Variants in RGS6 observed in about 807,000 individuals in gnomAD.
RGS6 encodes the protein regulator of G-protein signaling 6.
Under a neutral mutation model 78.5 loss-of-function variants are expected in RGS6, and 30 were observed. The ratio of observed to expected loss-of-function variants is 0.38; its 90% CI spans 0.29 to 0.52. RGS6 has a LOEUF of 0.52. Ranked by LOEUF, RGS6 falls within the 20% of genes least tolerant of loss-of-function variation. The probability of loss-of-function intolerance (pLI) is 0.85; values close to 1 mark genes in which losing one functional copy is unlikely to be tolerated. For synonymous variants in RGS6, 206 were observed against 206.0 expected (o/e 1.00, Z 0.00); for missense variants, 495 against 609.7 (o/e 0.81, Z 1.98).
intron 2 of RGS6, among the ~76,000 whole-genome samples, chr14:72,136,239 T>A (rs548837302): frequency 1.9e-4 from 29 of 152,140 alleles, no homozygotes; most frequent in Admixed American, 5.2e-4. Context: ...GAAGAGACAC[T>A]CTCTATATTG....
At chr14:72,143,059 G>T (rs1034541220) in intron 2 of RGS6, among the ~76,000 whole-genome samples, 16 of 152,192 alleles carry the variant, frequency 1.1e-4, no homozygotes, top group East Asian at 1.9e-4. Context: ...GGAAAAAGAT[G>T]GAGAATCCTG....
intron 2 of RGS6, among the ~76,000 whole-genome samples, chr14:72,009,513 T>G (rs1169744574): frequency 6.6e-6 from 1 of 152,254 alleles, no homozygotes; most frequent in African/African-American, 2.4e-5. Context: ...TTTGGTTCCT[T>G]GTCTGGCAAA....
At chr14:72,086,351 C>A (rs754722389) in intron 2 of RGS6, among the ~76,000 whole-genome samples, 6 of 152,088 alleles carry the variant, frequency 3.9e-5, no homozygotes, top group African/African-American at 4.8e-5. Flanking sequence ...TTTATGACAC[C>A]CTGGTTGTTG....
chr14:72,138,474 T>C (rs948932723), intron 2 of RGS6, among the ~76,000 whole-genome samples: 6 of 144,232 alleles, frequency 4.2e-5, no homozygotes, highest in Non-Finnish European at 7.5e-5. Flanking sequence ...TTTTTTTTTT[T>C]ACTTTCTTGG....
intron 2 of RGS6, among the ~76,000 whole-genome samples, chr14:72,167,860 C>T (rs1023107148): frequency 1.3e-5 from 2 of 152,028 alleles, no homozygotes; most frequent in African/African-American, 2.4e-5. Flanking sequence ...AATGAGCAGC[C>T]TCTGTACAGA....
rs72719849 is a variant in RGS6, at chr14:72,142,026, C to T, written c.84+177151C>T. On this transcript the variant is annotated intron_variant, in intron 2 of 17. Transcript: ENST00000553525. Reference sequence around the variant, plus strand: ...TCTTGAGGCTTACTGTTTACCTCCTCACTTTGGGGAGCTACCCAGCCAGGA... The same window carrying T: ...TCTTGAGGCTTACTGTTTACCTCCTTACTTTGGGGAGCTACCCAGCCAGGA... Among the ~76,000 whole-genome samples, 1,148 of 152,250 alleles carry T rather than the reference C, an allele frequency of 7.5e-3. 8 individuals are homozygous for T. The highest frequency in any genetic ancestry group is 0.012 in the Non-Finnish European group (848 of 68,022).
chr14:72,567,657 T>G (rs2097715151), downstream of RGS6, among the ~76,000 whole-genome samples: 2 of 152,176 alleles, frequency 1.3e-5, no homozygotes, highest in African/African-American at 4.8e-5. Context: ...AGCCTCCAAT[T>G]GTTCATTGAT....
In RGS6 at chr14:72,029,811, C is replaced by T. The variant is rs1044443913; in HGVS notation, c.84+64936C>T. Reference sequence around the variant, plus strand: ...AAGCTGGAGACAGGAAGGTCAAGTGCTTTATTTTTTCTGTGATGAGAACCA... The same window carrying T: ...AAGCTGGAGACAGGAAGGTCAAGTGTTTTATTTTTTCTGTGATGAGAACCA... On this transcript the variant is annotated intron_variant, in intron 2 of 17. Transcript: ENST00000553525. Among the ~76,000 whole-genome samples, 3 of 152,106 alleles carry T rather than the reference C, an allele frequency of 2.0e-5. No individual in the cohort carries two copies. In the East Asian group the frequency reaches 5.8e-4, roughly 29 times the overall value.
chr14:72,023,263 G>A (rs946649496), intron 2 of RGS6, among the ~76,000 whole-genome samples: 2 of 152,190 alleles, frequency 1.3e-5, no homozygotes, highest in African/African-American at 4.8e-5. Context: ...ATTTGGTGGA[G>A]CTCCTTTTTC....
At chr14:72,546,953 G>A (rs1169507810) in intron 17 of RGS6, among the ~76,000 whole-genome samples, 1 of 152,184 alleles carries the variant, frequency 6.6e-6, no homozygotes, top group South Asian at 2.1e-4. Flanking sequence ...CTTTACAAGC[G>A]GCTGATGGGG....
the RGS6 span, among the ~76,000 whole-genome samples, chr14:72,579,303 G>A: frequency 2.5e-4 from 38 of 152,142 alleles, no homozygotes; most frequent in Non-Finnish European, 4.7e-4. Flanking sequence ...ATTGTCCCTG[G>A]CCATCACTGT....
At chr14:72,170,835 T>G (rs996207845) in intron 2 of RGS6, among the ~76,000 whole-genome samples, 1 of 152,178 alleles carries the variant, frequency 6.6e-6, no homozygotes, top group African/African-American at 2.4e-5. Flanking sequence ...TTTACTGATT[T>G]ATATTTTTCC....
intron 2 of RGS6, among the ~76,000 whole-genome samples, chr14:72,147,193 T>G (rs1381178677): frequency 1.3e-5 from 2 of 152,344 alleles, no homozygotes; most frequent in African/African-American, 4.8e-5. Context: ...AATCTATGCT[T>G]CTTAAAATCT....
chr14:71,894,291 C>T, the RGS6 span, among the ~76,000 whole-genome samples: 264 of 152,272 alleles, frequency 1.7e-3, no homozygotes, highest in Non-Finnish European at 2.7e-3. Flanking sequence ...CTGACCCAGA[C>T]TTGGGAGCAT....
At chr14:72,092,590 C>T (rs562362153) in intron 2 of RGS6, among the ~76,000 whole-genome samples, 1 of 152,310 alleles carries the variant, frequency 6.6e-6, no homozygotes, top group South Asian at 2.1e-4. Flanking sequence ...CCAGGTTGGC[C>T]AGGCTGGTCT....
intron 1 of RGS6, among the ~76,000 whole-genome samples, chr14:71,946,878 C>T (rs187980206): frequency 1.4e-3 from 206 of 152,196 alleles, no homozygotes; most frequent in Middle Eastern, 6.8e-3. Context: ...TTAATGAAAA[C>T]AAGGATAGGG....
chr14:72,055,311 A>AT (rs1567112522), intron 2 of RGS6, among the ~76,000 whole-genome samples: 14 of 148,052 alleles, frequency 9.5e-5, no homozygotes, highest in Admixed American at 2.0e-4. Context: ...TTCAGACATC[A>AT]ATTTTTTTTT....
At position 72,562,875 on chromosome 14, in the gene RGS6, C is replaced by G. The variant is rs1296939020; in HGVS notation, c.*408C>G. ...CACACCTTCTGGCAAATTCAAGAGG[C>G]ATGAGTGGACCGAGAGCACATCCAG... On this transcript the variant is annotated 3_prime_UTR_variant, in exon 18 of 18. Transcript: ENST00000553525. The G allele has an allele frequency of 1.1e-6, 1 of 886,314 alleles. No homozygotes were observed. The highest frequency in any genetic ancestry group is 1.8e-6 in the Non-Finnish European group (1 of 557,186). 54.9% of individuals were successfully genotyped at this position (886,314 alleles called of 1,614,324 possible). A position where few individuals can be genotyped will look rare whatever the true frequency, so the allele number is the denominator to read the frequency against.
At chr14:72,356,032 A>G (rs2080201655) in intron 3 of RGS6, among the ~76,000 whole-genome samples, 1 of 152,170 alleles carries the variant, frequency 6.6e-6, no homozygotes, top group Non-Finnish European at 1.5e-5. Context: ...GCTCTGACTT[A>G]CCTTTCAATG....
Sources: allele counts gnomAD v4.1 joint callset (sites outside exome capture counted in the v4.1 genomes callset), GRCh38; gene constraint gnomAD v4.1.1; transcripts MANE v1.5; gene names NCBI Gene and HGNC (gene_info 2026-07-23, HGNC 2026-07-21).